The following NCAPD2 variants were observed in gnomAD, a reference collection of about 807,000 sequenced individuals.
The protein encoded by NCAPD2 is non-SMC condensin I complex subunit D2.
NCAPD2 carries 100 observed loss-of-function variants against 164.5 expected under a neutral mutation model. The observed-to-expected ratio is 0.61, with a 90% CI of 0.52 to 0.72. The LOEUF (loss-of-function observed/expected upper bound fraction) is 0.72. Ranked by LOEUF, NCAPD2 falls within the 30% of genes least tolerant of loss-of-function variation. The probability of loss-of-function intolerance (pLI) is 0.00; values close to 1 mark genes in which losing one functional copy is unlikely to be tolerated. For missense variants in NCAPD2, 1,560 were observed against 1,749.2 expected (o/e 0.89, Z 1.93); for synonymous variants, 585 against 642.6 (o/e 0.91, Z 1.36).
intron 13 of NCAPD2, 67 bp downstream of exon 13, chr12:6,518,026 C>A (rs992104841): frequency 2.0e-6 from 3 of 1,470,634 alleles, no homozygotes; most frequent in Admixed American, 3.6e-5. Context: ...GAGAAACTTA[C>A]ATAATGTGTC....
chr12:6,501,738 CA>C (rs1219978938), intron 2 of NCAPD2, among the ~76,000 whole-genome samples: 1 of 152,146 alleles, frequency 6.6e-6, no homozygotes, highest in African/African-American at 2.4e-5. Flanking sequence ...GACAGTCCAG[CA>C]TTTAGAGGCT....
chr12:6,523,643 C>G (rs561615124), intron 17 of NCAPD2, among the ~76,000 whole-genome samples: 1 of 152,140 alleles, frequency 6.6e-6, no homozygotes, highest in Non-Finnish European at 1.5e-5. Flanking sequence ...GTGATCCACC[C>G]GCCTCAACCT....
intron 2 of NCAPD2, among the ~76,000 whole-genome samples, chr12:6,495,508 A>G (rs565004556): frequency 6.6e-6 from 1 of 152,280 alleles, no homozygotes; most frequent in Non-Finnish European, 1.5e-5. Context: ...GTGTGTCAAA[A>G]TTAAGTCCTG....
chr12:6,525,512 C>A, intron 17 of NCAPD2, 71 bp from the exon 18 acceptor site: 1 of 1,539,394 alleles, frequency 6.5e-7, no homozygotes, highest in Non-Finnish European at 8.8e-7. Context: ...GCAATATCAT[C>A]TTCAGAAAAG....
rs534121479 is a variant in NCAPD2 at position 6,526,015 on chromosome 12, C to T, written c.2349-53C>T. 1.3e-5 allele frequency: 21 copies of T among 1,597,588 alleles called. No individual in the cohort carries two copies. In the South Asian group the frequency reaches 2.1e-4, roughly 16 times the overall value. ...ACCTACCCCTATTGGCCCTTTCTCC[C>T]CCGATGAGTCCAATCCATGACTGCC... On this transcript the variant is annotated intron_variant, in intron 18 of 31. Coordinates refer to ENST00000315579, the MANE Select transcript of NCAPD2 (RefSeq NM_014865.4).
In NCAPD2 at chr12:6,528,789, T is replaced by C; in HGVS notation, c.3410T>C (p.Leu1137Pro). Residue 1137 changes from leucine to proline, a missense_variant, in exon 26 of 32, where the codon CTG becomes CCG. Transcript: ENST00000315579. The surrounding 1 kb of genome is among the most constrained non-coding windows in gnomAD (Gnocchi z 5.1). The part of the protein sequence containing the change: ...VKGQVSEMAV[L>P]LIDPEPQIAA... ...GGGCAGGTCAGCGAGATGGCGGTGCTGCTCATCGACCCCGAGCCTCAGATT... is the reference window on the plus strand; with the variant it reads ...GGGCAGGTCAGCGAGATGGCGGTGCCGCTCATCGACCCCGAGCCTCAGATT... 3 of 1,614,132 alleles carry C rather than the reference T, an allele frequency of 1.9e-6. No individual in the cohort carries two copies. The highest frequency in any genetic ancestry group is 2.2e-5 in the East Asian group (1 of 44,874).
chr12:6,496,870 A>G (rs535066952), intron 2 of NCAPD2, among the ~76,000 whole-genome samples: 3 of 152,226 alleles, frequency 2.0e-5, no homozygotes, highest in African/African-American at 2.4e-5. Context: ...GTTAAAAACT[A>G]AAACACCTAC....
rs965117214 is a variant in NCAPD2 at position 6,494,912 on chromosome 12, C to T, written c.-23-164C>T. On this transcript the variant is annotated intron_variant, in intron 1 of 31. Coordinates refer to ENST00000315579, the MANE Select transcript of NCAPD2 (RefSeq NM_014865.4). ...ACTAGCTTGCTATAAAACTAAAAAC[C>T]ATTATATATGTTGGGGGTGGGGAAC... Among the ~76,000 whole-genome samples the T allele has an allele frequency of 3.3e-5, 5 of 152,146 alleles. No homozygotes were observed. The East Asian group carries it at 5.8e-4, about 18-fold the overall frequency.
Position 6,528,402 on chromosome 12 carries a change from C to G in NCAPD2, c.3299+74C>G. The G allele has an allele frequency of 6.3e-7, 1 of 1,578,046 alleles. No individual in the cohort carries two copies. Among genetic ancestry groups the G allele is most frequent in the Non-Finnish European group, 8.7e-7 (1 of 1,150,714 alleles). On this transcript the variant is annotated intron_variant, in intron 25 of 31. Transcript: ENST00000315579. This position sits in a 1 kb window ranked among gnomAD's most constrained non-coding sequence, Gnocchi z 5.1. ...CTGTTGAGAGTCAGTGTGAGAATCA[C>G]CAGGGCTCTTCCCCTAGGCTTTGGC...
chr12:6,523,075 A>C (rs901814756), intron 16 of NCAPD2, 73 bp downstream of exon 16: 15 of 1,562,212 alleles, frequency 9.6e-6, no homozygotes, highest in Non-Finnish European at 1.3e-5. Flanking sequence ...TGTCTCCTAA[A>C]GGAAGAGGTG....
chr12:6,498,635 G>A (rs1946005306), intron 2 of NCAPD2, among the ~76,000 whole-genome samples: 1 of 151,412 alleles, frequency 6.6e-6, no homozygotes, highest in Admixed American at 6.6e-5. Context: ...TTGAGACGGA[G>A]TCTTGCTCTG....
chr12:6,504,202 T>C (rs368635930), intron 2 of NCAPD2, among the ~76,000 whole-genome samples: 206 of 21,792 alleles, frequency 9.5e-3, no homozygotes, highest in African/African-American at 0.087. Context: ...TATATATATA[T>C]ATATATATAT....
chr12:6,510,868 G>A, intron 5 of NCAPD2, 58 bp downstream of exon 5: 1 of 1,539,326 alleles, frequency 6.5e-7, no homozygotes. Context: ...GGGAATAGAT[G>A]GAAAAGAAGG....
chr12:6,509,594 CTGTT>C (rs1189995478), intron 2 of NCAPD2, 119 bp from the exon 3 acceptor site: 22 of 909,766 alleles, frequency 2.4e-5, no homozygotes, highest in Non-Finnish European at 3.4e-5. Flanking sequence ...TTGAAGTGAA[CTGTT>C]TGTCTCTTTT....
chr12:6,511,372 GC>G (rs1156327489), intron 6 of NCAPD2, 120 bp downstream of exon 6: 9 of 1,227,132 alleles, frequency 7.3e-6, no homozygotes, highest in Non-Finnish European at 9.0e-6. Flanking sequence ...CACTCTTGTC[GC>G]CCAGGCTGGA....
At position 6,531,145 on chromosome 12, in the gene NCAPD2, G is replaced by C; in HGVS notation, c.4120+69G>C. ...AGGGTGCAGAGGGCTGGTTTCCATA[G>C]GACCTGCTGCGGGGGCCTGAGTGTA... On this transcript the variant is annotated intron_variant, in intron 31 of 31. Transcript: ENST00000315579. The surrounding 1 kb of genome is among the most constrained non-coding windows in gnomAD (Gnocchi z 4.1). 1 of 1,592,620 alleles carries C rather than the reference G, an allele frequency of 6.3e-7. No individual in the cohort carries two copies. Among genetic ancestry groups the C allele is most frequent in the Non-Finnish European group, 8.6e-7 (1 of 1,166,570 alleles).
chr12:6,513,715 C>CTTTTTTTTTTT lies in NCAPD2; in HGVS notation c.588-542_588-532dup, dbSNP rs71067124. 7.1e-4 allele frequency among the ~76,000 whole-genome samples: 53 copies of CTTTTTTTTTTT among 74,880 alleles called. 11 individuals carry two copies. Among genetic ancestry groups the CTTTTTTTTTTT allele is most frequent in the African/African-American group, 1.2e-3 (20 of 16,954 alleles). 49.1% of individuals were successfully genotyped at this position (74,880 alleles called of 152,430 possible). A position where few individuals can be genotyped will look rare whatever the true frequency, so the allele number is the denominator to read the frequency against. Reference sequence around the variant, plus strand: ...AATGAGAAGTCATTGGTGACTTTGTCTTTTTTTTTTTTTTTTTTGTGATGG... The same window carrying CTTTTTTTTTTT: ...AATGAGAAGTCATTGGTGACTTTGTCTTTTTTTTTTTTTTTTTTTTTTTTTTTTTGTGATGG... On this transcript the variant is annotated intron_variant, in intron 6 of 31. Coordinates refer to ENST00000315579, the MANE Select transcript of NCAPD2 (RefSeq NM_014865.4).
chr12:6,525,431 C>G (rs985638555), intron 17 of NCAPD2, 152 bp from the exon 18 acceptor site: 1 of 809,140 alleles, frequency 1.2e-6, no homozygotes, highest in Non-Finnish European at 1.9e-6. Context: ...CTCTCAAGAC[C>G]CTGCTGTACA....
rs1946320633 is a variant in NCAPD2 at position 6,526,633 on chromosome 12, G to A, written c.2734+18G>A. The A allele has an allele frequency of 1.2e-6, 2 of 1,605,894 alleles. No homozygotes were observed. The highest frequency in any genetic ancestry group is 1.7e-6 in the Non-Finnish European group (2 of 1,174,036). On this transcript the variant is annotated intron_variant, in intron 21 of 31. Coordinates refer to ENST00000315579, the MANE Select transcript of NCAPD2 (RefSeq NM_014865.4). ...GGACCCGAGTAAGTGGGCAGGGGTT[G>A]ACCCACTGCGGCAGCCAGCTTCTGT...
Sources: allele counts gnomAD v4.1 joint callset (sites outside exome capture counted in the v4.1 genomes callset), GRCh38; gene constraint gnomAD v4.1.1; non-coding constraint Gnocchi (gnomAD v3.1); transcripts MANE v1.5; gene names NCBI Gene and HGNC (gene_info 2026-07-23, HGNC 2026-07-21).